FRMD4B: variants seen among roughly 807,000 people sequenced by gnomAD.
FRMD4B encodes the protein FERM domain-containing protein 4B.
In FRMD4B, 74 loss-of-function variants were observed where a neutral mutation model predicts 141.5. That is an observed-to-expected ratio of 0.52 (90% CI 0.43 to 0.63). The LOEUF is 0.63. FRMD4B is among the 30% of genes least tolerant of loss of function. FRMD4B has a pLI of 0.00. For missense variants in FRMD4B, 1,366 were observed against 1,253.4 expected (o/e 1.09, Z -1.36); for synonymous variants, 506 against 467.9 (o/e 1.08, Z -1.05).
At position 69,180,934 on chromosome 3, in the gene FRMD4B, C is replaced by T. The variant is rs1300405291; in HGVS notation, c.2816G>A (p.Cys939Tyr). ...CLGFAGLQVPCSPSSRASSYS... is the reference protein window; with the variant it reads ...CLGFAGLQVPYSPSSRASSYS... ...CGAGGATGCACGACTGCTTGGAGAA[C>T]AAGGTACTTGCAGCCCCGCAAACCC... is the stretch of plus-strand genomic sequence containing the variant. Residue 939 changes from cysteine to tyrosine, a missense_variant, in exon 21 of 23, where the codon TGT (cysteine) becomes TAT (tyrosine). Cys to Tyr is a radical substitution (Grantham distance 194, BLOSUM62 -2). Transcript: ENST00000398540. 6.2e-7 allele frequency: 1 copy of T among 1,611,748 alleles called. No homozygotes were observed. Among genetic ancestry groups the T allele is most frequent in the Non-Finnish European group, 8.5e-7 (1 of 1,178,156 alleles).
chr3:69,497,166 G>A (rs1706417613), intron 1 of FRMD4B, among the ~76,000 whole-genome samples: 1 of 152,148 alleles, frequency 6.6e-6, no homozygotes, highest in African/African-American at 2.4e-5. Context: ...TCCCATCTTA[G>A]AATGAATCCC....
At chr3:69,518,342 C>T (rs1470991061) in intron 1 of FRMD4B, among the ~76,000 whole-genome samples, 2 of 151,994 alleles carry the variant, frequency 1.3e-5, no homozygotes, top group Non-Finnish European at 2.9e-5. Context: ...GATGACTTAC[C>T]GAGTCCCTTC....
intron 4 of FRMD4B, among the ~76,000 whole-genome samples, chr3:69,291,131 A>G (rs1031582687): frequency 5.9e-5 from 9 of 152,252 alleles, no homozygotes; most frequent in African/African-American, 2.2e-4. Flanking sequence ...GTAGTCTCAG[A>G]AGGGGAAGCC....
At chr3:69,213,697 C>CT (rs2093110432) in intron 11 of FRMD4B, among the ~76,000 whole-genome samples, 1 of 144,684 alleles carries the variant, frequency 6.9e-6, no homozygotes, top group African/African-American at 2.6e-5. Context: ...AGGTTTTGCT[C>CT]TGTCACCCAG....
intron 5 of FRMD4B, among the ~76,000 whole-genome samples, chr3:69,281,135 T>C (rs2093642825): frequency 6.6e-6 from 1 of 151,884 alleles, no homozygotes; most frequent in African/African-American, 2.4e-5. Context: ...GGTTTCTCCA[T>C]GTTGGTCAGG....
chr3:69,453,542 C>A (rs1387274791), intron 1 of FRMD4B, among the ~76,000 whole-genome samples: 1 of 152,202 alleles, frequency 6.6e-6, no homozygotes, highest in African/African-American at 2.4e-5. Flanking sequence ...GCTCTCAAAG[C>A]TGCTAGGGCT....
chr3:69,181,224 T>C lies in FRMD4B; in HGVS notation c.2526A>G (p.Ser842=). The C allele has an allele frequency of 2.5e-6, 4 of 1,613,960 alleles. No individual in the cohort carries two copies. Among genetic ancestry groups the C allele is most frequent in the Non-Finnish European group, 3.4e-6 (4 of 1,179,840 alleles). Residue 842 remains serine, a synonymous_variant, in exon 21 of 23, where the codon TCA becomes TCG. Coordinates refer to ENST00000398540, the MANE Select transcript of FRMD4B (RefSeq NM_015123.3). Reference sequence around the variant, plus strand: ...TCTGGCGCTCATATCCATAGTGGGCTGAGGACCGGTAGGAAGGGTTGACAC... The same window carrying C: ...TCTGGCGCTCATATCCATAGTGGGCCGAGGACCGGTAGGAAGGGTTGACAC... ...QYSVNPSYRS[S]AHYGYERQRD...
chr3:69,205,126 A>G (rs2093011970), intron 11 of FRMD4B, among the ~76,000 whole-genome samples: 1 of 151,738 alleles, frequency 6.6e-6, no homozygotes, highest in African/African-American at 2.4e-5. Flanking sequence ...TAAAAAAGAA[A>G]GCAATTACAG....
chr3:69,284,533 C>T (rs2093658420), intron 5 of FRMD4B, among the ~76,000 whole-genome samples: 1 of 152,014 alleles, frequency 6.6e-6, no homozygotes, highest in Non-Finnish European at 1.5e-5. Flanking sequence ...AAAAGCAAGA[C>T]CTGAAAAAAA....
intron 1 of FRMD4B, among the ~76,000 whole-genome samples, chr3:69,331,060 A>G (rs1702352198): frequency 6.6e-6 from 1 of 152,162 alleles, no homozygotes; most frequent in South Asian, 2.1e-4. Flanking sequence ...GGAAATCTCA[A>G]CCAACACTTG....
intron 1 of FRMD4B, among the ~76,000 whole-genome samples, chr3:69,483,192 G>C (rs776798364): frequency 2.6e-5 from 4 of 152,140 alleles, no homozygotes; most frequent in Non-Finnish European, 5.9e-5. Context: ...TATGTTTCTA[G>C]GTCCATGGGT....
intron 1 of FRMD4B, among the ~76,000 whole-genome samples, chr3:69,506,231 C>T (rs1420280916): frequency 6.6e-6 from 1 of 152,168 alleles, no homozygotes; most frequent in East Asian, 1.9e-4. Context: ...CCCACTTCCT[C>T]TTCAGAACAA....
intron 2 of FRMD4B, among the ~76,000 whole-genome samples, chr3:69,312,676 A>G (rs1395044849): frequency 6.6e-6 from 1 of 152,218 alleles, no homozygotes; most frequent in Non-Finnish European, 1.5e-5. Flanking sequence ...AGGAGGGTGG[A>G]TCACTTGAGG....
chr3:69,344,174 T>A (rs1702849207), intron 1 of FRMD4B, among the ~76,000 whole-genome samples: 1 of 152,224 alleles, frequency 6.6e-6, no homozygotes, highest in African/African-American at 2.4e-5. Context: ...AATGTCTGAC[T>A]CCAATTAGTG....
intron 1 of FRMD4B, chr3:69,433,220 G>C (rs368318006): frequency 5.3e-5 from 8 of 152,142 alleles, no homozygotes; most frequent in African/African-American, 1.9e-4. Context: ...AGTGTGGCGA[G>C]AATGAAACAC....
At position 69,243,445 on chromosome 3, in the gene FRMD4B, G is replaced by A. The variant is rs566855937; in HGVS notation, c.581+5781C>T. 5.9e-5 allele frequency among the ~76,000 whole-genome samples: 9 copies of A among 152,314 alleles called. No individual in the cohort carries two copies. In the South Asian group the frequency reaches 1.7e-3, roughly 28 times the overall value. ...GGAGTATGCACAGCAGAGAATGGGAGACTAAATGTGTAATGCCAACCAAAT... is the reference window on the plus strand; with the variant it reads ...GGAGTATGCACAGCAGAGAATGGGAAACTAAATGTGTAATGCCAACCAAAT... On this transcript the variant is annotated intron_variant, in intron 7 of 22. Coordinates refer to ENST00000398540, the MANE Select transcript of FRMD4B (RefSeq NM_015123.3).
chr3:69,305,990 G>C (rs1296297870), intron 3 of FRMD4B, among the ~76,000 whole-genome samples: 5 of 152,004 alleles, frequency 3.3e-5, no homozygotes, highest in Non-Finnish European at 7.4e-5. Context: ...AGTTGCAGTG[G>C]GAAAGTAATC....
rs77895780 is a variant in FRMD4B at position 69,511,133 on chromosome 3, T to C, written c.-129+31073A>G. Among the ~76,000 whole-genome samples the C allele has an allele frequency of 6.4e-3, 972 of 152,322 alleles. 14 individuals are homozygous for C. Among genetic ancestry groups the C allele is most frequent in the African/African-American group, 0.022 (898 of 41,568 alleles). ...GCCCTGATCAACTGCCATAAGGACA[T>C]TTACTGCATTAAATTTTATCAAATA... On this transcript the variant is annotated intron_variant, in intron 1 of 5. Transcript: ENST00000459638.
chr3:69,390,655 G>T (rs1029145082), upstream of FRMD4B, among the ~76,000 whole-genome samples: 1 of 152,118 alleles, frequency 6.6e-6, no homozygotes, highest in African/African-American at 2.4e-5. Flanking sequence ...CACTTTGGGA[G>T]GCCAAGGCTG....
Sources: gnomAD v4.1 joint callset for allele counts (sites outside exome capture counted in the v4.1 genomes callset) on GRCh38, gnomAD v4.1.1 for gene constraint, MANE v1.5 for transcripts, NCBI Gene and HGNC (gene_info 2026-07-23, HGNC 2026-07-21) for gene names.